The following CDH13 variants were observed in gnomAD, a reference collection of about 807,000 sequenced individuals.
CDH13 encodes the protein cadherin 13, also known as cadherin-13.
Under a neutral mutation model 63.8 loss-of-function variants are expected in CDH13, and 24 were observed. The ratio of observed to expected loss-of-function variants is 0.38; its 90% CI spans 0.27 to 0.53. The LOEUF is 0.53. Among genes scored for constraint, CDH13 ranks in the 20% least tolerant of loss-of-function variants. The pLI, the probability that CDH13 is intolerant of heterozygous loss-of-function variation, is 0.85. For missense variants in CDH13, 1,049 were observed against 903.1 expected (o/e 1.16, Z -2.07); for synonymous variants, 503 against 355.3 (o/e 1.42, Z -4.67).
chr16:83,244,351 A>G (rs1320251356), intron 5 of CDH13, among the ~76,000 whole-genome samples: 2 of 152,122 alleles, frequency 1.3e-5, no homozygotes, highest in Admixed American at 6.5e-5. Flanking sequence ...TACATAGCAC[A>G]TGGAAGATAC....
Position 83,339,337 on chromosome 16 carries a change from A to C in CDH13, c.637-5525A>C, listed in dbSNP as rs201732533. On this transcript the variant is annotated intron_variant, in intron 5 of 13. Transcript: ENST00000567109. ...TATCATACTTTCTGGTTGCTCAAAA[A>C]TCCTTGCCTCCAATGATGTCAATAA... Among the ~76,000 whole-genome samples, 6 of 152,304 alleles carry C rather than the reference A, an allele frequency of 3.9e-5. No individual in the cohort carries two copies. The East Asian group carries it at 1.2e-3, about 29-fold the overall frequency.
At chr16:83,443,705 G>GAAAAAAA (rs1167862979) in intron 6 of CDH13, among the ~76,000 whole-genome samples, 1 of 107,120 alleles carries the variant, frequency 9.3e-6, no homozygotes, top group African/African-American at 4.2e-5. Flanking sequence ...AAGTCCCTAC[G>GAAAAAAA]AAAAAAAAAA....
intron 5 of CDH13, among the ~76,000 whole-genome samples, chr16:83,224,612 G>A (rs11150553): frequency 0.22 from 33,427 of 152,198 alleles, 4,310 homozygotes; most frequent in African/African-American, 0.36. Context: ...CCAGACCTAC[G>A]GAGGGAAGAA....
At chr16:82,883,696 A>G (rs1254522449) in intron 2 of CDH13, among the ~76,000 whole-genome samples, 2 of 152,222 alleles carry the variant, frequency 1.3e-5, no homozygotes, top group Admixed American at 1.3e-4. Context: ...TGTGAGGATT[A>G]GCTGAGCTCG....
chr16:83,302,884 A>G (rs1046564677), intron 5 of CDH13, among the ~76,000 whole-genome samples: 3 of 152,188 alleles, frequency 2.0e-5, no homozygotes, highest in Admixed American at 1.3e-4. Flanking sequence ...GAGAAAATAA[A>G]TTTCATCAAA....
At chr16:83,743,748 C>CTTTTTTTTTTTTTTTCTTTTTT (rs1912284645) in intron 10 of CDH13, among the ~76,000 whole-genome samples, 2 of 76,256 alleles carry the variant, frequency 2.6e-5, no homozygotes, top group South Asian at 6.9e-4. Context: ...TTTCTTTTTT[C>CTTTTTTTTTTTTTTTCTTTTTT]TTTTTTTTTT....
intron 5 of CDH13, among the ~76,000 whole-genome samples, chr16:83,242,984 A>G (rs1473667001): frequency 1.3e-5 from 2 of 152,210 alleles, no homozygotes; most frequent in Admixed American, 6.5e-5. Flanking sequence ...TCGGTGAAGT[A>G]GGCACTATTA....
intron 6 of CDH13, among the ~76,000 whole-genome samples, chr16:83,432,148 C>T (rs139353666): frequency 1.5e-3 from 224 of 152,170 alleles, no homozygotes; most frequent in Middle Eastern, 6.8e-3. Context: ...TGGTATATTG[C>T]CAGTTGCACA....
At chr16:83,065,695 A>AC (rs59534841) in intron 3 of CDH13, among the ~76,000 whole-genome samples, 93,394 of 149,522 alleles carry the variant, frequency 0.62, 30,416 homozygotes, top group African/African-American at 0.82. Flanking sequence ...ACAGAACGAG[A>AC]TTTGTCTCAA....
At chr16:82,929,820 C>G (rs1047697650) in intron 2 of CDH13, among the ~76,000 whole-genome samples, 2 of 151,806 alleles carry the variant, frequency 1.3e-5, no homozygotes, top group Non-Finnish European at 2.9e-5. Context: ...CAATCATATC[C>G]TGTTACAGCA....
intron 6 of CDH13, among the ~76,000 whole-genome samples, chr16:83,481,387 C>T (rs2073756889): frequency 6.6e-6 from 1 of 152,106 alleles, no homozygotes; most frequent in African/African-American, 2.4e-5. Context: ...TTGGAGCATC[C>T]CCATCCTCAT....
chr16:83,741,200 C>G (rs1478104771), intron 10 of CDH13, among the ~76,000 whole-genome samples: 2 of 152,192 alleles, frequency 1.3e-5, no homozygotes, highest in Admixed American at 6.5e-5. Context: ...TTACTTTACA[C>G]TCAGGGCCAT....
At chr16:83,471,779 C>G (rs1225251185) in intron 6 of CDH13, among the ~76,000 whole-genome samples, 1 of 152,154 alleles carries the variant, frequency 6.6e-6, no homozygotes, top group Non-Finnish European at 1.5e-5. Context: ...AGCTTCTTAG[C>G]CAGGCTCTCA....
chr16:82,893,256 T>G (rs1431995053), intron 2 of CDH13, among the ~76,000 whole-genome samples: 1 of 152,236 alleles, frequency 6.6e-6, no homozygotes, highest in Non-Finnish European at 1.5e-5. Flanking sequence ...CATACACATA[T>G]GTGTTGGCAT....
chr16:83,270,658 A>G lies in CDH13; in HGVS notation c.636+53161A>G, dbSNP rs144080326. 2.6e-5 allele frequency among the ~76,000 whole-genome samples: 4 copies of G among 152,244 alleles called. No individual in the cohort carries two copies. The South Asian group carries it at 6.2e-4, about 24-fold the overall frequency. On this transcript the variant is annotated intron_variant, in intron 5 of 13. Coordinates refer to ENST00000567109, the MANE Select transcript of CDH13 (RefSeq NM_001257.5). ...CTCATTGACACAGATTCAGCACTCA[A>G]TAACTCTCCCTCACGCTTAGAGGAG...
At chr16:83,622,723 G>C (rs574735370) in intron 8 of CDH13, among the ~76,000 whole-genome samples, 2 of 152,304 alleles carry the variant, frequency 1.3e-5, no homozygotes, top group East Asian at 3.9e-4. Context: ...ATTTATGATA[G>C]TCGTTACTGC....
intron 8 of CDH13, among the ~76,000 whole-genome samples, chr16:83,659,615 C>T (rs962129287): frequency 1.3e-5 from 2 of 152,150 alleles, no homozygotes; most frequent in African/African-American, 4.8e-5. Context: ...AGCAGGACCC[C>T]ATATCATTAG....
intron 2 of CDH13, among the ~76,000 whole-genome samples, chr16:83,011,445 T>C (rs556983236): frequency 1.7e-4 from 26 of 152,290 alleles, no homozygotes; most frequent in South Asian, 6.2e-4. Flanking sequence ...CTACAAGTAG[T>C]GCAAATCGAA....
chr16:83,588,513 C>G (rs1050943559), intron 7 of CDH13, among the ~76,000 whole-genome samples: 1 of 152,176 alleles, frequency 6.6e-6, no homozygotes, highest in Non-Finnish European at 1.5e-5. Flanking sequence ...CAGGCAGTGT[C>G]TTGGGACCTC....
Sources: gnomAD v4.1 joint callset for allele counts (sites outside exome capture counted in the v4.1 genomes callset) on GRCh38, gnomAD v4.1.1 for gene constraint, MANE v1.5 for transcripts, NCBI Gene and HGNC (gene_info 2026-07-23, HGNC 2026-07-21) for gene names.